Variants in EPHB4 observed in about 807,000 individuals in gnomAD.
The protein encoded by EPHB4 is ephrin type-B receptor 4.
EPHB4 carries 50 observed loss-of-function variants against 110.6 expected under a neutral mutation model. The ratio of observed to expected loss-of-function variants is 0.45; its 90% CI spans 0.36 to 0.57. The LOEUF (loss-of-function observed/expected upper bound fraction) is 0.57, where lower values mean the gene tolerates loss of function less well. EPHB4 is among the 20% of genes least tolerant of loss of function. The probability of loss-of-function intolerance (pLI) is 0.00; values close to 1 mark genes in which losing one functional copy is unlikely to be tolerated. For synonymous variants in EPHB4, 592 were observed against 578.4 expected, an observed-to-expected ratio of 1.02 and a Z score of -0.34; for missense variants, 1,128 against 1,382.1, an observed-to-expected ratio of 0.82 and a Z score of 2.91.
At chr7:100,824,453 G>T (rs1396756679) in intron 1 of EPHB4, 180 bp from the exon 2 acceptor site, 1 of 626,866 alleles carries the variant, frequency 1.6e-6, no homozygotes, top group African/African-American at 1.8e-5. Context: ...CTTCTGCTAA[G>T]TGCCAACCCC....
chr7:100,821,713 C>T (rs553794242), intron 4 of EPHB4, among the ~76,000 whole-genome samples: 44 of 151,876 alleles, frequency 2.9e-4, no homozygotes, highest in African/African-American at 1.0e-3. Flanking sequence ...AAGTGATCCT[C>T]CCACCTTGGC....
rs749503755 is a variant in EPHB4, at chr7:100,813,177, A to G, written c.1788T>C (p.Tyr596=). ...CCCTCACAGCCTCATTAGGGTCTTC[A>G]TAAGTGAAGGGGTCGATGTAGACCT... The part of the protein sequence containing the change: ...GTKVYIDPFT[Y]EDPNEAVREF... The change falls in exon 11 of 17, where the codon TAT becomes TAC. Residue 596 remains tyrosine, a synonymous_variant. Coordinates refer to ENST00000358173, the MANE Select transcript of EPHB4 (RefSeq NM_004444.5). 11 of 1,607,158 alleles carry G rather than the reference A, an allele frequency of 6.8e-6. No homozygotes were observed. Among genetic ancestry groups the G allele is most frequent in the African/African-American group, 2.7e-5 (2 of 74,932 alleles).
Position 100,822,493 on chromosome 7 carries a change from T to C in EPHB4, c.586A>G (p.Lys196Glu). 6.2e-7 allele frequency: 1 copy of C among 1,613,186 alleles called. No homozygotes were observed. The highest frequency in any genetic ancestry group is 8.5e-7 in the Non-Finnish European group (1 of 1,179,696). The stretch of plus-strand genomic sequence containing the variant: ...AGGTTCACAGTCAGCTGGGCGCACT[T>C]TTTGTAGAAGAGGTGCAGGGATAGC... ...ALLSLHLFYKKCAQLTVNLTR... is the reference protein window; with the variant it reads ...ALLSLHLFYKECAQLTVNLTR... The change falls in exon 4 of 17, where the codon AAG becomes GAG. Residue 196 changes from lysine (K) to glutamate (E), a missense_variant. This residue lies in a region of EPHB4 where 728 missense variants were observed against 828.6 expected (regional missense o/e 0.88). Transcript: ENST00000358173. The surrounding 1 kb of genome is among the most constrained non-coding windows in gnomAD (Gnocchi z 4.7).
chr7:100,817,669 C>T (rs1813111033), intron 7 of EPHB4, among the ~76,000 whole-genome samples: 1 of 151,934 alleles, frequency 6.6e-6, no homozygotes, highest in South Asian at 2.1e-4. Context: ...GCTGGGATTA[C>T]AGGGGCCCGC....
chr7:100,826,152 C>T (rs896576427), intron 1 of EPHB4, among the ~76,000 whole-genome samples: 4 of 152,204 alleles, frequency 2.6e-5, no homozygotes, highest in East Asian at 3.8e-4. Flanking sequence ...GTTTCTAGGG[C>T]TCTTGGCTCC....
At chr7:100,817,459 C>T in intron 7 of EPHB4, 102 bp from the exon 8 acceptor site, 1 of 1,342,276 alleles carries the variant, frequency 7.5e-7, no homozygotes. Context: ...ACTAGCCTGC[C>T]TTGCAACTGG....
chr7:100,817,284 C>T lies in EPHB4; in HGVS notation c.1496G>A (p.Arg499Gln), dbSNP rs775718656. 12 of 1,600,050 alleles carry T rather than the reference C, an allele frequency of 7.5e-6. No individual in the cohort carries two copies. Among genetic ancestry groups the T allele is most frequent in the Admixed American group, 1.7e-5 (1 of 58,526 alleles). Residue 499 changes from arginine to glutamine, a missense_variant, in exon 8 of 17, where the codon CGG (arginine) becomes CAG (glutamine). By Grantham distance (43) the Arg-to-Gln change is conservative. Around this residue, in one of 3 missense-constraint regions of EPHB4, gnomAD observed 728 missense variants for 828.6 expected, o/e 0.88. Coordinates refer to ENST00000358173, the MANE Select transcript of EPHB4 (RefSeq NM_004444.5). ...ENRAELRGLK[R>Q]GASYLVQVRA... ...TACCTGCACCAGGTAGCTGGCTCCC[C>T]GCTTCAGCCCCCGCAGCTCTGCCCG...
rs1812817956 is a variant in EPHB4 at position 100,806,400 on chromosome 7, T to A, written c.2484+20A>T. ...GAGAGAACACTCGAGGAAAGCTTGG[T>A]AGGACCACGGGACACTTACGTCCTG... On this transcript the variant is annotated intron_variant, in intron 14 of 16. Coordinates refer to ENST00000358173, the MANE Select transcript of EPHB4 (RefSeq NM_004444.5). 1 of 1,603,890 alleles carries A rather than the reference T, an allele frequency of 6.2e-7. No homozygotes were observed. Among genetic ancestry groups the A allele is most frequent in the Admixed American group, 1.7e-5 (1 of 59,046 alleles).
chr7:100,803,503 C>CA lies in EPHB4; in HGVS notation c.2921_2922insT (p.Thr976AsnfsTer187). 1 of 1,587,202 alleles carries CA rather than the reference C, an allele frequency of 6.3e-7. No individual in the cohort carries two copies. The highest frequency in any genetic ancestry group is 8.6e-7 in the Non-Finnish European group (1 of 1,165,812). On this transcript the variant is annotated frameshift_variant, in exon 17 of 17. Transcript: ENST00000358173. LOFTEE classifies it high-confidence loss of function. ...GTCCTCCTGTCCCACCCGGGGTTCC[C>CA]GGCTTGGCCTGGGACTTCATGTGCT...
At chr7:100,809,455 G>A (rs1237574754) in intron 12 of EPHB4, among the ~76,000 whole-genome samples, 1 of 151,970 alleles carries the variant, frequency 6.6e-6, no homozygotes, top group Non-Finnish European at 1.5e-5. Flanking sequence ...GCGGGTTCCC[G>A]TCACACTGCC....
intron 12 of EPHB4, among the ~76,000 whole-genome samples, chr7:100,810,788 C>T (rs78524616): frequency 2.0e-5 from 3 of 151,972 alleles, no homozygotes; most frequent in Admixed American, 6.6e-5. Context: ...GTACAAAGCC[C>T]GGTCTTGAAC....
chr7:100,819,875 G>A lies in EPHB4; in HGVS notation c.979C>T (p.Pro327Ser). ...GAPCTTPPSAPRSVVSRLNGS... is the reference protein window; with the variant it reads ...GAPCTTPPSASRSVVSRLNGS... ...TTCAGGCGGGAAACCACGCTCCGCG[G>A]AGCCGAAGGAGGGGCTGCAGGAGAC... Residue 327 changes from proline (P) to serine (S), a missense_variant, in exon 6 of 17, where the codon CCG (proline) becomes TCG (serine). Around this residue, in one of 3 missense-constraint regions of EPHB4, gnomAD observed 728 missense variants for 828.6 expected, o/e 0.88. Transcript: ENST00000358173. 1.3e-6 allele frequency: 2 copies of A among 1,545,432 alleles called. No homozygotes were observed. The highest frequency in any genetic ancestry group is 1.7e-6 in the Non-Finnish European group (2 of 1,143,240).
chr7:100,812,621 G>A, intron 12 of EPHB4, 126 bp downstream of exon 12: 2 of 1,337,434 alleles, frequency 1.5e-6, no homozygotes, highest in Non-Finnish European at 2.0e-6. Context: ...CCAGGGCTTA[G>A]CCCAAGAGGA....
chr7:100,816,960 G>T (rs1813086458), intron 8 of EPHB4, among the ~76,000 whole-genome samples: 1 of 151,790 alleles, frequency 6.6e-6, no homozygotes, highest in Non-Finnish European at 1.5e-5. Context: ...GCAGGCGCCT[G>T]TAATCCCAGC....
In EPHB4 at chr7:100,813,659, G is replaced by A. The variant is rs767765857; in HGVS notation, c.1749C>T (p.Ile583=). ...EYSDKHGQYL[I]GHGTKVYIDP... is the part of the protein sequence containing the mutation. Reference sequence around the variant, plus strand: ...CAAATTAGGGCAACCCACCATGTCCGATGAGATACTGTCCGTGTTTGTCCG... The same window carrying A: ...CAAATTAGGGCAACCCACCATGTCCAATGAGATACTGTCCGTGTTTGTCCG... The change falls in exon 10 of 17, where the codon ATC becomes ATT. Residue 583 remains isoleucine (I), a synonymous_variant. Coordinates refer to ENST00000358173, the MANE Select transcript of EPHB4 (RefSeq NM_004444.5). 14 of 1,613,902 alleles carry A rather than the reference G, an allele frequency of 8.7e-6. No homozygotes were observed. The highest frequency in any genetic ancestry group is 5.0e-5 in the Admixed American group (3 of 59,960).
In EPHB4 at chr7:100,803,544, T is replaced by G; in HGVS notation, c.2881A>C (p.Ile961Leu). Residue 961 changes from isoleucine (I) to leucine (L), a missense_variant, in exon 17 of 17, where the codon ATC (isoleucine) becomes CTC (leucine). Ile to Leu is a conservative substitution (Grantham distance 5, BLOSUM62 2). Around this residue, in one of 3 missense-constraint regions of EPHB4, gnomAD observed 209 missense variants for 240.5 expected, o/e 0.87. Transcript: ENST00000358173. ...TTCATGTGCTGGACACTGGCCAAGA[T>G]TTTCTTCTGGTGTCCCGCCAGAGTG... ...GVTLAGHQKKILASVQHMKSQ... is the reference protein window; with the variant it reads ...GVTLAGHQKKLLASVQHMKSQ... The G allele has an allele frequency of 6.2e-7, 1 of 1,604,442 alleles. No individual in the cohort carries two copies. The highest frequency in any genetic ancestry group is 8.5e-7 in the Non-Finnish European group (1 of 1,175,454).
Position 100,817,181 on chromosome 7 carries a change from C to G in EPHB4, c.1588+11G>C, listed in dbSNP as rs756456112. The G allele has an allele frequency of 4.6e-6, 7 of 1,524,426 alleles. No homozygotes were observed. The highest frequency in any genetic ancestry group is 8.8e-7 in the Non-Finnish European group (1 of 1,137,454). The allele number at this position is 1,524,426 out of a possible 1,614,324, so 94.4% of individuals were successfully genotyped here. The stretch of plus-strand genomic sequence containing the variant: ...TCCAACCCCCACCCTCACCCCCTTC[C>G]CCAGGCTCACCATCCAGTTGGGTCT... On this transcript the variant is annotated intron_variant, in intron 8 of 16. Transcript: ENST00000358173.
intron 13 of EPHB4, 82 bp from the exon 14 acceptor site, chr7:100,806,651 C>T (rs752652370): frequency 2.2e-4 from 327 of 1,490,230 alleles, no homozygotes; most frequent in Non-Finnish European, 2.8e-4. Flanking sequence ...CAGTCCCCCA[C>T]CTGCCTCTGC....
chr7:100,812,744 C>T lies in EPHB4; in HGVS notation c.2118+3G>A, dbSNP rs760910204. On this transcript the variant is annotated splice_donor_region_variant and intron_variant, in intron 12 of 16. Coordinates refer to ENST00000358173, the MANE Select transcript of EPHB4 (RefSeq NM_004444.5). ...GGCCGCAGAAGCCAGGGAGGGTGCT[C>T]ACCCGCAGGAAGGAGTCCAGGGCGC... The T allele has an allele frequency of 1.2e-6, 2 of 1,611,494 alleles. No individual in the cohort carries two copies. Among genetic ancestry groups the T allele is most frequent in the Non-Finnish European group, 1.7e-6 (2 of 1,179,304 alleles).
Sources: gnomAD v4.1 joint callset for allele counts (sites outside exome capture counted in the v4.1 genomes callset) on GRCh38, gnomAD v4.1.1 for gene constraint, gnomAD v4.1.1 regional missense constraint, Gnocchi (gnomAD v3.1) non-coding constraint, MANE v1.5 for transcripts, NCBI Gene and HGNC (gene_info 2026-07-23, HGNC 2026-07-21) for gene names.